The following PDSS2 variants were observed in gnomAD, a reference collection of about 807,000 sequenced individuals.
PDSS2 encodes the protein decaprenyl diphosphate synthase subunit 2.
In PDSS2, 31 loss-of-function variants were observed where a neutral mutation model predicts 44.5. That is an observed-to-expected ratio of 0.70 (90% CI 0.52 to 0.94). PDSS2 has a LOEUF of 0.94. PDSS2 is among the 40% of genes least tolerant of loss of function. PDSS2 has a pLI of 0.00. For missense variants in PDSS2, 452 were observed against 482.2 expected, an observed-to-expected ratio of 0.94 and a Z score of 0.59; for synonymous variants, 157 against 180.3, an observed-to-expected ratio of 0.87 and a Z score of 1.03.
chr6:107,288,746 C>T lies in PDSS2; in HGVS notation c.432-14519G>A, dbSNP rs557846402. Among the ~76,000 whole-genome samples the T allele has an allele frequency of 8.1e-4, 107 of 131,728 alleles. 1 individual carries two copies. The highest frequency in any genetic ancestry group is 2.5e-3 in the African/African-American group (85 of 34,678). 86.4% of individuals were successfully genotyped at this position (131,728 alleles called of 152,430 possible). A position where few individuals can be genotyped will look rare whatever the true frequency, so the allele number is the denominator to read the frequency against. On this transcript the variant is annotated intron_variant, in intron 2 of 7. Coordinates refer to ENST00000369037, the MANE Select transcript of PDSS2 (RefSeq NM_020381.4). ...GCTGGACAATATGAAGATGCCGGGA[C>T]GAAATTGTTTTTTTTTTTTTTTTTT...
At chr6:107,316,848 A>T (rs1777218059) in intron 2 of PDSS2, among the ~76,000 whole-genome samples, 1 of 152,202 alleles carries the variant, frequency 6.6e-6, no homozygotes, top group African/African-American at 2.4e-5. Flanking sequence ...TGCACATAAA[A>T]CTTTGTATAA....
chr6:107,206,504 A>G (rs1772983131), intron 6 of PDSS2, among the ~76,000 whole-genome samples: 1 of 152,240 alleles, frequency 6.6e-6, no homozygotes, highest in Admixed American at 6.5e-5. Context: ...ACAGAAAAGA[A>G]TAATGGGGAT....
chr6:107,248,157 C>T (rs1238757290), intron 3 of PDSS2, among the ~76,000 whole-genome samples: 1 of 151,956 alleles, frequency 6.6e-6, no homozygotes, highest in Non-Finnish European at 1.5e-5. Flanking sequence ...TTGCATATTA[C>T]CCCAGACATT....
chr6:107,291,596 C>T (rs1335358437), intron 2 of PDSS2, among the ~76,000 whole-genome samples: 1 of 150,684 alleles, frequency 6.6e-6, no homozygotes, highest in Non-Finnish European at 1.5e-5. Flanking sequence ...GAACTCCTAG[C>T]CTCAAGTGAT....
intron 7 of PDSS2, among the ~76,000 whole-genome samples, chr6:107,168,330 T>C (rs1771430701): frequency 1.3e-5 from 2 of 152,214 alleles, no homozygotes; most frequent in South Asian, 4.1e-4. Flanking sequence ...ATTTGCTTGG[T>C]AGATCTTCCT....
chr6:107,352,851 T>G (rs895047439), intron 1 of PDSS2, among the ~76,000 whole-genome samples: 1 of 152,158 alleles, frequency 6.6e-6, no homozygotes, highest in African/African-American at 2.4e-5. Context: ...TCTTATAACA[T>G]ACCTGATAGG....
chr6:107,402,357 A>G lies in PDSS2; in HGVS notation c.296+56633T>C, dbSNP rs576997795. Among the ~76,000 whole-genome samples the G allele has an allele frequency of 2.7e-5, 4 of 148,472 alleles. No individual in the cohort carries two copies. The East Asian group carries it at 7.9e-4, about 29-fold the overall frequency. On this transcript the variant is annotated intron_variant, in intron 1 of 7. Coordinates refer to ENST00000369037, the MANE Select transcript of PDSS2 (RefSeq NM_020381.4). ...GCCTTCAACAAGTATGGGACTATAT[A>G]AAACAATCAAACGTATAAATCATAG...
intron 2 of PDSS2, among the ~76,000 whole-genome samples, chr6:107,331,515 C>T (rs893195792): frequency 6.6e-6 from 1 of 152,172 alleles, no homozygotes; most frequent in East Asian, 1.9e-4. Flanking sequence ...CATCTGCCAA[C>T]ATGTTATGTG....
At chr6:107,407,238 T>C (rs1457612650) in intron 1 of PDSS2, among the ~76,000 whole-genome samples, 1 of 152,214 alleles carries the variant, frequency 6.6e-6, no homozygotes, top group Non-Finnish European at 1.5e-5. Flanking sequence ...ATGTGGTATA[T>C]AGAACAGACA....
intron 1 of PDSS2, among the ~76,000 whole-genome samples, chr6:107,427,027 T>C (rs1368692468): frequency 6.6e-6 from 1 of 151,982 alleles, no homozygotes; most frequent in Non-Finnish European, 1.5e-5. Flanking sequence ...GGACATGAGA[T>C]TTAGGAGGGA....
chr6:107,359,682 G>A (rs1778707803), intron 1 of PDSS2, among the ~76,000 whole-genome samples: 1 of 149,124 alleles, frequency 6.7e-6, no homozygotes, highest in Admixed American at 6.7e-5. Context: ...AAGGCATCAA[G>A]CATTAAAATA....
intron 3 of PDSS2, among the ~76,000 whole-genome samples, chr6:107,254,179 G>A (rs375860772): frequency 1.5e-4 from 22 of 151,416 alleles, no homozygotes; most frequent in Admixed American, 8.6e-4. Context: ...GATTACAGGC[G>A]TCCACCACCA....
chr6:107,188,907 T>G (rs1478729150), intron 7 of PDSS2, among the ~76,000 whole-genome samples: 4 of 152,178 alleles, frequency 2.6e-5, no homozygotes, highest in Non-Finnish European at 5.9e-5. Context: ...ACCTCTTTTC[T>G]TTTTCATTTT....
At chr6:107,326,390 G>A (rs550925148) in intron 2 of PDSS2, among the ~76,000 whole-genome samples, 5 of 151,818 alleles carry the variant, frequency 3.3e-5, no homozygotes, top group Admixed American at 2.6e-4. Context: ...GATTACAGGC[G>A]TAAGCCACTG....
At chr6:107,343,687 T>C (rs1289660041) in intron 1 of PDSS2, among the ~76,000 whole-genome samples, 1 of 152,186 alleles carries the variant, frequency 6.6e-6, no homozygotes, top group African/African-American at 2.4e-5. Context: ...CTTCAAAATA[T>C]GCATACATAT....
intron 1 of PDSS2, among the ~76,000 whole-genome samples, chr6:107,418,626 T>C (rs1036832349): frequency 6.6e-6 from 1 of 151,824 alleles, no homozygotes; most frequent in Non-Finnish European, 1.5e-5. Flanking sequence ...ACAAAAAAAA[T>C]TAGCCGGGTG....
chr6:107,367,702 C>T (rs1293527864), intron 1 of PDSS2, among the ~76,000 whole-genome samples: 1 of 150,146 alleles, frequency 6.7e-6, no homozygotes, highest in East Asian at 2.0e-4. Context: ...AGAAGAATCG[C>T]TTGAACCCGG....
At chr6:107,402,313 A>G (rs1358638855) in intron 1 of PDSS2, among the ~76,000 whole-genome samples, 1 of 150,100 alleles carries the variant, frequency 6.7e-6, no homozygotes, top group South Asian at 2.1e-4. Context: ...AACAAAAAAA[A>G]CAAAAAAGAA....
intron 4 of PDSS2, among the ~76,000 whole-genome samples, chr6:107,237,208 C>A (rs1774253859): frequency 6.6e-6 from 1 of 152,126 alleles, no homozygotes; most frequent in African/African-American, 2.4e-5. Flanking sequence ...GCTAGGATTA[C>A]AGATATCAGC....
Sources: gnomAD v4.1 joint callset for allele counts (sites outside exome capture counted in the v4.1 genomes callset) on GRCh38, gnomAD v4.1.1 for gene constraint, MANE v1.5 for transcripts, NCBI Gene and HGNC (gene_info 2026-07-23, HGNC 2026-07-21) for gene names.